PPP1R16B: variants seen among roughly 807,000 people sequenced by gnomAD.
The protein encoded by PPP1R16B is protein phosphatase 1 regulatory inhibitor subunit 16B.
A neutral mutation model predicts 61.7 loss-of-function variants in PPP1R16B; 14 were observed. The ratio of observed to expected loss-of-function variants is 0.23; its 90% CI spans 0.15 to 0.35. PPP1R16B has a LOEUF of 0.35. Among genes scored for constraint, PPP1R16B ranks in the 10% least tolerant of loss-of-function variants. The probability of loss-of-function intolerance (pLI) is 1.00; values close to 1 mark genes in which losing one functional copy is unlikely to be tolerated. For missense variants in PPP1R16B, 547 were observed against 752.5 expected (o/e 0.73, Z 3.19); for synonymous variants, 266 against 305.3 (o/e 0.87, Z 1.34).
At chr20:38,913,287 G>T (rs1362613679) in intron 10 of PPP1R16B, among the ~76,000 whole-genome samples, 1 of 151,098 alleles carries the variant, frequency 6.6e-6, no homozygotes, top group East Asian at 2.0e-4. Flanking sequence ...TTTTTTAGAT[G>T]GAATCTTGCT....
intron 10 of PPP1R16B, among the ~76,000 whole-genome samples, chr20:38,910,538 TG>T (rs200060493): frequency 0.12 from 17,560 of 147,752 alleles, 1,164 homozygotes; most frequent in Middle Eastern, 0.17. Flanking sequence ...AGTTTTTTTT[TG>T]TTTTTTTTTT....
At position 38,902,732 on chromosome 20, in the gene PPP1R16B, C is replaced by A. The variant is rs2085406434; in HGVS notation, c.636C>A (p.Ile212=). The A allele has an allele frequency of 6.2e-7, 1 of 1,614,132 alleles. No homozygotes were observed. The highest frequency in any genetic ancestry group is 1.1e-5 in the South Asian group (1 of 91,090). ...CTGAGCAGCAGATGATTGCGGACAT[C>A]CACTGCATGATCGCAGCGGGCCAGG... ...VAPEQQMIAD[I]HCMIAAGQDL... Residue 212 remains isoleucine (I), a synonymous_variant, in exon 6 of 11, where the codon ATC becomes ATA. Coordinates refer to ENST00000299824, the MANE Select transcript of PPP1R16B (RefSeq NM_015568.4).
At chr20:38,864,933 A>G (rs208814) in intron 2 of PPP1R16B, among the ~76,000 whole-genome samples, 109,604 of 152,092 alleles carry the variant, frequency 0.72, 40,121 homozygotes, top group African/African-American at 0.84. Flanking sequence ...CTTAATTAGC[A>G]TGGCCTCCTT....
chr20:38,885,932 C>T (rs193180856), intron 2 of PPP1R16B, among the ~76,000 whole-genome samples: 4 of 152,234 alleles, frequency 2.6e-5, no homozygotes, highest in Admixed American at 1.3e-4. Flanking sequence ...TGCGCCACCA[C>T]GCCCAGCTGA....
intron 2 of PPP1R16B, among the ~76,000 whole-genome samples, chr20:38,837,076 C>G (rs989511526): frequency 6.6e-6 from 1 of 152,250 alleles, no homozygotes; most frequent in African/African-American, 2.4e-5. Context: ...CCTCTGAATG[C>G]TGTTCCGTGT....
At chr20:38,889,529 G>A (rs1213743359) in intron 2 of PPP1R16B, 66 bp from the exon 3 acceptor site, 53 of 1,403,108 alleles carry the variant, frequency 3.8e-5, no homozygotes, top group East Asian at 1.4e-4. Flanking sequence ...GGTCTTACCC[G>A]GGCCCCTGCA....
intron 1 of PPP1R16B, among the ~76,000 whole-genome samples, chr20:38,812,048 A>G (rs1013759221): frequency 1.3e-5 from 2 of 152,202 alleles, no homozygotes; most frequent in African/African-American, 2.4e-5. Flanking sequence ...CTGGAGTCCC[A>G]GGGGTTTAGC....
Position 38,912,096 on chromosome 20 carries a change from CTTTTTT to C in PPP1R16B, c.1194+3918_1194+3923del, listed in dbSNP as rs35770847. ...CTTGCCAACCCTTGGTATAGTCAGT[CTTTTTT>C]TTTTTTTTTTTTTTGATACAGAGTT... On this transcript the variant is annotated intron_variant, in intron 10 of 10. Coordinates refer to ENST00000299824, the MANE Select transcript of PPP1R16B (RefSeq NM_015568.4). 1.2e-3 allele frequency among the ~76,000 whole-genome samples: 152 copies of C among 127,414 alleles called. 2 individuals carry two copies. The East Asian group carries it at 0.029, about 24-fold the overall frequency. 83.6% of individuals were successfully genotyped at this position (127,414 alleles called of 152,430 possible).
chr20:38,886,603 G>C (rs560970270), intron 2 of PPP1R16B, among the ~76,000 whole-genome samples: 1 of 152,330 alleles, frequency 6.6e-6, no homozygotes, highest in African/African-American at 2.4e-5. Context: ...GTTGGGCCTT[G>C]GTGATCAGTG....
Position 38,827,979 on chromosome 20 carries a change from C to T in PPP1R16B, c.-101-7846C>T, listed in dbSNP as rs1418805933. On this transcript the variant is annotated intron_variant, in intron 1 of 10. Coordinates refer to ENST00000299824, the MANE Select transcript of PPP1R16B (RefSeq NM_015568.4). ...ACACAAGGAGAAAAGGACCCATCGC[C>T]TTCCTCCAGGCTGCTGCCAATATTG... Among the ~76,000 whole-genome samples, 31 of 152,194 alleles carry T rather than the reference C, an allele frequency of 2.0e-4. 1 individual carries two copies. Among genetic ancestry groups the T allele is most frequent in the Admixed American group, 2.0e-3 (31 of 15,278 alleles).
At chr20:38,809,258 G>C (rs1053368923) in intron 1 of PPP1R16B, among the ~76,000 whole-genome samples, 1 of 151,710 alleles carries the variant, frequency 6.6e-6, no homozygotes, top group African/African-American at 2.4e-5. Flanking sequence ...GCGGGGGTGG[G>C]GGCTCACTCC....
At position 38,806,680 on chromosome 20, in the gene PPP1R16B, C is replaced by T. The variant is rs570659590; in HGVS notation, c.-102+888C>T. 1.1e-4 allele frequency among the ~76,000 whole-genome samples: 16 copies of T among 152,326 alleles called. No individual in the cohort carries two copies. The South Asian group carries it at 3.3e-3, about 32-fold the overall frequency. On this transcript the variant is annotated intron_variant, in intron 1 of 10. Coordinates refer to ENST00000299824, the MANE Select transcript of PPP1R16B (RefSeq NM_015568.4). This position sits in a 1 kb window ranked among gnomAD's most constrained non-coding sequence, Gnocchi z 4.5. The stretch of plus-strand genomic sequence containing the variant: ...CCGGGAGGCAGGCGCTCGCTGCCCT[C>T]CTCCTTCCCCCATGTAGACTCCCTT...
At chr20:38,888,876 A>AAC (rs1181903301) in intron 2 of PPP1R16B, among the ~76,000 whole-genome samples, 7,586 of 112,142 alleles carry the variant, frequency 0.068, 273 homozygotes, top group African/African-American at 0.072. Context: ...AGAATCCCTG[A>AAC]ACACACACAC....
At chr20:38,868,833 C>T (rs1247329645) in intron 2 of PPP1R16B, among the ~76,000 whole-genome samples, 1 of 152,074 alleles carries the variant, frequency 6.6e-6, no homozygotes, top group Non-Finnish European at 1.5e-5. Flanking sequence ...AGTCAAGAGG[C>T]AGAATTATGA....
intron 2 of PPP1R16B, among the ~76,000 whole-genome samples, chr20:38,862,678 A>T (rs2085060773): frequency 6.6e-6 from 1 of 152,156 alleles, no homozygotes; most frequent in Non-Finnish European, 1.5e-5. Flanking sequence ...GTCCTTGAGG[A>T]AATGAGGAAT....
chr20:38,918,478 A>T lies in PPP1R16B; in HGVS notation c.1516A>T (p.Met506Leu). ...PFLSTHLGSS[M>L]ARTGESSSEG... ...CCTTAGCACACACCTGGGCAGCAGC[A>T]TGGCCAGGACGGGCGAGAGTAGCAG... The change falls in exon 11 of 11, where the codon ATG becomes TTG. Residue 506 changes from methionine to leucine, a missense_variant. Transcript: ENST00000299824. The surrounding 1 kb of genome is among the most constrained non-coding windows in gnomAD (Gnocchi z 5.3). 6.2e-7 allele frequency: 1 copy of T among 1,613,620 alleles called. No homozygotes were observed. The highest frequency in any genetic ancestry group is 8.5e-7 in the Non-Finnish European group (1 of 1,179,646).
intron 3 of PPP1R16B, among the ~76,000 whole-genome samples, chr20:38,890,468 C>A (rs1418072071): frequency 1.3e-5 from 2 of 152,204 alleles, no homozygotes; most frequent in African/African-American, 2.4e-5. Context: ...ACCACACTTC[C>A]CACAGCACTT....
chr20:38,893,398 G>A (rs1240877379), intron 3 of PPP1R16B, among the ~76,000 whole-genome samples: 1 of 152,144 alleles, frequency 6.6e-6, no homozygotes, highest in Non-Finnish European at 1.5e-5. Flanking sequence ...GTTTGTAAAC[G>A]GAGAGCAACA....
chr20:38,912,363 T>G (rs1257679415), intron 10 of PPP1R16B, among the ~76,000 whole-genome samples: 4 of 152,000 alleles, frequency 2.6e-5, no homozygotes, highest in African/African-American at 9.7e-5. Context: ...ACCTGGGAAC[T>G]TGTTAGAAAT....
Sources: allele counts gnomAD v4.1 joint callset (sites outside exome capture counted in the v4.1 genomes callset), GRCh38; gene constraint gnomAD v4.1.1; non-coding constraint Gnocchi (gnomAD v3.1); transcripts MANE v1.5; gene names NCBI Gene and HGNC (gene_info 2026-07-23, HGNC 2026-07-21).